NEDD4: variants seen among roughly 807,000 people sequenced by gnomAD.
The protein encoded by NEDD4 is NEDD4 E3 ubiquitin protein ligase.
A neutral mutation model predicts 144.9 loss-of-function variants in NEDD4; 99 were observed. The observed-to-expected ratio is 0.68, with a 90% confidence interval of 0.58 to 0.81. The LOEUF (loss-of-function observed/expected upper bound fraction) is 0.81. Among genes scored for constraint, NEDD4 ranks in the 30% least tolerant of loss-of-function variants. The probability of loss-of-function intolerance (pLI) is 0.00; values close to 1 mark genes in which losing one functional copy is unlikely to be tolerated. For synonymous variants in NEDD4, 318 were observed against 350.6 expected (o/e 0.91, Z 1.04); for missense variants, 985 against 1,065.9 (o/e 0.92, Z 1.06).
intron 5 of NEDD4, among the ~76,000 whole-genome samples, chr15:55,892,246 AAAAGAGC>A (rs1284906752): frequency 8.6e-5 from 13 of 151,130 alleles, no homozygotes; most frequent in Middle Eastern, 3.5e-3. Context: ...CAGCCTAGGC[AAAAGAGC>A]AAAACTCCAA....
At chr15:55,866,100 G>A (rs1450008078) in intron 8 of NEDD4, among the ~76,000 whole-genome samples, 1 of 151,980 alleles carries the variant, frequency 6.6e-6, no homozygotes, top group Non-Finnish European at 1.5e-5. Context: ...TTTTTGTAGA[G>A]ATGGGGTCTC....
chr15:55,928,280 G>A (rs1294625638), intron 4 of NEDD4, among the ~76,000 whole-genome samples: 2 of 152,186 alleles, frequency 1.3e-5, no homozygotes, highest in Admixed American at 6.5e-5. Context: ...CCAAAGTGCT[G>A]GGATTACAGG....
intron 5 of NEDD4, among the ~76,000 whole-genome samples, chr15:55,911,277 T>G (rs2036264494): frequency 6.6e-6 from 1 of 152,060 alleles, no homozygotes; most frequent in Non-Finnish European, 1.5e-5. Context: ...TATCCTACAG[T>G]GCACAGGATA....
chr15:55,988,390 G>A (rs368218471), intron 1 of NEDD4, among the ~76,000 whole-genome samples: 43 of 130,018 alleles, frequency 3.3e-4, no homozygotes, highest in African/African-American at 1.3e-3. Context: ...CACGTTAGTG[G>A]GTGCAGCACA....
At chr15:55,919,274 ATGCTTTC>A (rs1384347924) in intron 5 of NEDD4, among the ~76,000 whole-genome samples, 1 of 152,158 alleles carries the variant, frequency 6.6e-6, no homozygotes, top group Non-Finnish European at 1.5e-5. Context: ...TGAATGCCTA[ATGCTTTC>A]TTTCAGGATT....
intron 17 of NEDD4, 139 bp downstream of exon 17, chr15:55,848,233 G>A: frequency 1.3e-6 from 1 of 775,330 alleles, no homozygotes; most frequent in Non-Finnish European, 2.2e-6. Context: ...GAGACTTGGA[G>A]TATGGGAAAT....
chr15:55,863,225 G>T (rs907403135), intron 8 of NEDD4, 146 bp from the exon 9 acceptor site: 45 of 615,064 alleles, frequency 7.3e-5, no homozygotes, highest in Non-Finnish European at 2.0e-5. Context: ...CAACTTTTAA[G>T]ACCATAATGT....
Position 55,845,667 on chromosome 15 carries a change from C to T in NEDD4, c.1608+1302G>A, listed in dbSNP as rs368588677. 3.3e-5 allele frequency among the ~76,000 whole-genome samples: 5 copies of T among 151,838 alleles called. No individual in the cohort carries two copies. The East Asian group carries it at 7.7e-4, about 23-fold the overall frequency. ...GAAGCTAGTGCTTCTATTCCTCCAG[C>T]GTATTCTCATTAACAATGAAAATAT... On this transcript the variant is annotated intron_variant, in intron 18 of 28. Transcript: ENST00000435532.
intron 5 of NEDD4, among the ~76,000 whole-genome samples, chr15:55,901,287 C>T (rs756540218): frequency 1.1e-4 from 17 of 152,180 alleles, no homozygotes; most frequent in Non-Finnish European, 2.4e-4. Flanking sequence ...TTTATGAAAT[C>T]GTCTCCATAA....
rs1044246969 is a variant in NEDD4, at chr15:55,848,458, T to C, written c.1484-28A>G. On this transcript the variant is annotated intron_variant, in intron 16 of 28. Transcript: ENST00000435532. ...GAAGGGAAGAAAAAGAAAAAAGATGTACTTTCTCACACATAAAATTTATTA... is the reference window on the plus strand; with the variant it reads ...GAAGGGAAGAAAAAGAAAAAAGATGCACTTTCTCACACATAAAATTTATTA... 3 of 1,613,316 alleles carry C rather than the reference T, an allele frequency of 1.9e-6. No homozygotes were observed. In the Admixed American group the frequency reaches 5.0e-5, roughly 27 times the overall value.
chr15:55,890,086 C>T (rs1452170019), intron 5 of NEDD4, among the ~76,000 whole-genome samples: 1 of 152,084 alleles, frequency 6.6e-6, no homozygotes, highest in Non-Finnish European at 1.5e-5. Context: ...ATGGATACCC[C>T]ATTTACTCTG....
At chr15:55,848,344 A>T (rs1354678024) in intron 17 of NEDD4, 28 bp downstream of exon 17, 1 of 1,609,202 alleles carries the variant, frequency 6.2e-7, no homozygotes, top group African/African-American at 1.3e-5. Flanking sequence ...GGACAGTCCC[A>T]TCAGAGCACA....
chr15:55,969,655 TG>T (rs1439330897), intron 1 of NEDD4, among the ~76,000 whole-genome samples: 2 of 152,298 alleles, frequency 1.3e-5, no homozygotes, highest in Middle Eastern at 3.4e-3. Flanking sequence ...AGACCCATCC[TG>T]GGCCAGAGGG....
chr15:55,956,120 TC>T (rs1177985864), intron 2 of NEDD4, among the ~76,000 whole-genome samples: 41 of 152,264 alleles, frequency 2.7e-4, no homozygotes, highest in African/African-American at 9.9e-4. Context: ...AGCCCACATT[TC>T]TTTTTTTTAT....
chr15:55,943,256 G>A (rs568710910), intron 4 of NEDD4, among the ~76,000 whole-genome samples: 1 of 152,348 alleles, frequency 6.6e-6, no homozygotes, highest in African/African-American at 2.4e-5. Flanking sequence ...CCCATTTTGT[G>A]GGGAGGAATT....
intron 5 of NEDD4, among the ~76,000 whole-genome samples, chr15:55,919,991 A>C (rs566990162): frequency 1.3e-5 from 2 of 152,282 alleles, no homozygotes; most frequent in South Asian, 4.1e-4. Flanking sequence ...GTAGACTCTG[A>C]GTAGAGCACA....
At chr15:55,838,217 G>C (rs1177105215) in intron 22 of NEDD4, 37 bp from the exon 23 acceptor site, 25 of 1,424,872 alleles carry the variant, frequency 1.8e-5, no homozygotes, top group Non-Finnish European at 2.3e-5. Flanking sequence ...TGTTATTTTA[G>C]CGAGAAAAAT....
intron 18 of NEDD4, among the ~76,000 whole-genome samples, chr15:55,842,471 C>T (rs369102365): frequency 2.2e-4 from 34 of 152,274 alleles, no homozygotes; most frequent in African/African-American, 7.9e-4. Flanking sequence ...ACTGCAGCCT[C>T]GACCTCATGG....
chr15:55,955,182 T>A (rs2037316086), intron 2 of NEDD4, among the ~76,000 whole-genome samples: 1 of 151,952 alleles, frequency 6.6e-6, no homozygotes, highest in African/African-American at 2.4e-5. Context: ...CCACCATGCC[T>A]GACTAATTGT....
Sources: allele counts gnomAD v4.1 joint callset (sites outside exome capture counted in the v4.1 genomes callset), GRCh38; gene constraint gnomAD v4.1.1; transcripts MANE v1.5; gene names NCBI Gene and HGNC (gene_info 2026-07-23, HGNC 2026-07-21).